DOCK3: variants seen among roughly 807,000 people sequenced by gnomAD.
The protein encoded by DOCK3 is dedicator of cytokinesis protein 3.
DOCK3 carries 60 observed loss-of-function variants against 265.6 expected under a neutral mutation model. The observed-to-expected ratio is 0.23, with a 90% CI of 0.18 to 0.28. DOCK3 has a LOEUF of 0.28. Ranked by LOEUF, DOCK3 falls within the 10% of genes least tolerant of loss-of-function variation. The pLI, the probability that DOCK3 is intolerant of heterozygous loss-of-function variation, is 1.00. For synonymous variants in DOCK3, 881 were observed against 938.0 expected (o/e 0.94, Z 1.11); for missense variants, 1,981 against 2,594.3 (o/e 0.76, Z 5.14).
intron 10 of DOCK3, among the ~76,000 whole-genome samples, chr3:51,152,614 C>G (rs896168652): frequency 3.3e-5 from 5 of 152,192 alleles, no homozygotes; most frequent in African/African-American, 1.2e-4. Flanking sequence ...GCTCTGGCTT[C>G]TCCCCATCTT....
chr3:51,144,367 G>A (rs1471557616), intron 9 of DOCK3, among the ~76,000 whole-genome samples: 1 of 152,062 alleles, frequency 6.6e-6, no homozygotes, highest in Non-Finnish European at 1.5e-5. Context: ...CGAGAGTTTT[G>A]TCCTTGTTAC....
At chr3:51,365,043 G>T (rs887766387) in intron 49 of DOCK3, among the ~76,000 whole-genome samples, 5 of 152,168 alleles carry the variant, frequency 3.3e-5, no homozygotes, top group African/African-American at 1.2e-4. Flanking sequence ...GCTTGATGGG[G>T]ATGGCATTGA....
At chr3:51,243,815 G>A (rs2078712723) in intron 21 of DOCK3, among the ~76,000 whole-genome samples, 1 of 152,074 alleles carries the variant, frequency 6.6e-6, no homozygotes, top group South Asian at 2.1e-4. Flanking sequence ...TTTCTTTTAA[G>A]TGTTTTATAA....
Position 50,762,000 on chromosome 3 carries a change from G to A in DOCK3, c.38-16675G>A, listed in dbSNP as rs9858298. The stretch of plus-strand genomic sequence containing the variant: ...AAACCATCATTCTCAGCAAACTATC[G>A]CAAGGACAGAAAACCAAACACCGCA... On this transcript the variant is annotated intron_variant, in intron 1 of 52. Coordinates refer to ENST00000266037, the MANE Select transcript of DOCK3 (RefSeq NM_004947.5). Among the ~76,000 whole-genome samples, 528 of 152,122 alleles carry A rather than the reference G, an allele frequency of 3.5e-3. 4 individuals are homozygous for A. The highest frequency in any genetic ancestry group is 0.012 in the African/African-American group (508 of 41,506).
At chr3:51,233,307 ATTCT>A (rs58346749) in intron 19 of DOCK3, among the ~76,000 whole-genome samples, 112,439 of 148,542 alleles carry the variant, frequency 0.76, 43,694 homozygotes, top group Middle Eastern at 0.89. Context: ...TTTTAGCAGT[ATTCT>A]TTCTTTCTAT....
chr3:51,195,026 C>T (rs1416363555), intron 12 of DOCK3, among the ~76,000 whole-genome samples: 1 of 152,008 alleles, frequency 6.6e-6, no homozygotes, highest in Middle Eastern at 3.4e-3. Context: ...GGGGTTTCAC[C>T]ATGTTGGCCA....
Position 51,124,897 on chromosome 3 carries a change from C to T in DOCK3, c.747-21652C>T, listed in dbSNP as rs557912287. Among the ~76,000 whole-genome samples the T allele has an allele frequency of 1.1e-4, 16 of 148,534 alleles. No individual in the cohort carries two copies. In the South Asian group the frequency reaches 1.3e-3, roughly 12 times the overall value. On this transcript the variant is annotated intron_variant, in intron 9 of 52. Transcript: ENST00000266037. ...GTAATCCCAGCACTTTGGGAGGCTG[C>T]GGTGGGTGGATCACCTGAGGTCAGG...
At chr3:50,840,104 T>C (rs1339547279) in intron 2 of DOCK3, among the ~76,000 whole-genome samples, 1 of 152,046 alleles carries the variant, frequency 6.6e-6, no homozygotes, top group Non-Finnish European at 1.5e-5. Context: ...AAGAGTTCTT[T>C]GTATATTTTG....
At chr3:50,694,596 G>GC (rs1366848527) in intron 1 of DOCK3, among the ~76,000 whole-genome samples, 1 of 152,156 alleles carries the variant, frequency 6.6e-6, no homozygotes, top group African/African-American at 2.4e-5. Flanking sequence ...ATCACTTAAG[G>GC]CCAGGAGTTT....
intron 1 of DOCK3, among the ~76,000 whole-genome samples, chr3:50,741,274 ATTTTATT>A (rs1000764835): frequency 3.8e-5 from 1 of 26,408 alleles, no homozygotes; most frequent in African/African-American, 2.7e-4. Flanking sequence ...CTGTTTTTTT[ATTTTATT>A]TTATTATTAT....
chr3:51,354,253 C>G (rs964508437), intron 40 of DOCK3, among the ~76,000 whole-genome samples: 1 of 148,938 alleles, frequency 6.7e-6, no homozygotes, highest in Admixed American at 6.8e-5. Context: ...TTGGTGGCAC[C>G]CATAGCAATC....
intron 24 of DOCK3, among the ~76,000 whole-genome samples, chr3:51,271,945 T>C (rs1379132226): frequency 6.6e-6 from 1 of 152,074 alleles, no homozygotes; most frequent in African/African-American, 2.4e-5. Context: ...TTCCAGTCTT[T>C]GGAGAACCAA....
At position 51,204,478 on chromosome 3, in the gene DOCK3, A is replaced by G. The variant is rs1185219977; in HGVS notation, c.1038-4296A>G. The stretch of plus-strand genomic sequence containing the variant: ...AAACCACAATGAGATATCATCTCAC[A>G]CCAGTTAGAATGGCAATCATTAAAA... On this transcript the variant is annotated intron_variant, in intron 12 of 52. Coordinates refer to ENST00000266037, the MANE Select transcript of DOCK3 (RefSeq NM_004947.5). 2.5e-3 allele frequency among the ~76,000 whole-genome samples: 365 copies of G among 147,426 alleles called. 3 individuals are homozygous for G. Among genetic ancestry groups the G allele is most frequent in the African/African-American group, 8.8e-3 (352 of 39,998 alleles).
In DOCK3 at chr3:50,938,895, A is replaced by T. The variant is rs565539622; in HGVS notation, c.315+4818A>T. ...ATCACAGTGAGACTCTGTAAAAAAA[A>T]AATAATAATAATAATCCAAAGCAAG... On this transcript the variant is annotated intron_variant, in intron 5 of 52. Coordinates refer to ENST00000266037, the MANE Select transcript of DOCK3 (RefSeq NM_004947.5). 3.5e-4 allele frequency among the ~76,000 whole-genome samples: 53 copies of T among 151,816 alleles called. 2 individuals are homozygous for T. The highest frequency in any genetic ancestry group is 1.7e-3 in the East Asian group (9 of 5,180).
At chr3:50,719,894 T>C in intron 1 of DOCK3, 3 of 630,284 alleles carry the variant, frequency 4.8e-6, no homozygotes, top group Non-Finnish European at 8.8e-6. Flanking sequence ...TTTTGAAACT[T>C]TGTCTGCTAA....
At chr3:51,119,674 T>C (rs1022641213) in intron 9 of DOCK3, among the ~76,000 whole-genome samples, 1 of 152,076 alleles carries the variant, frequency 6.6e-6, no homozygotes, top group African/African-American at 2.4e-5. Flanking sequence ...TCATTATTTT[T>C]TCTCTAATCT....
At chr3:50,762,562 C>T (rs925718497) in intron 1 of DOCK3, among the ~76,000 whole-genome samples, 1 of 152,032 alleles carries the variant, frequency 6.6e-6, no homozygotes, top group Non-Finnish European at 1.5e-5. Flanking sequence ...TACTTTTAAC[C>T]AATATTCCTA....
chr3:50,728,585 G>A (rs949440375), intron 1 of DOCK3, among the ~76,000 whole-genome samples: 3 of 152,104 alleles, frequency 2.0e-5, no homozygotes, highest in African/African-American at 4.8e-5. Context: ...AAACAGGGAA[G>A]ACATGTTTGT....
At chr3:51,277,550 C>T in intron 25 of DOCK3, 58 bp from the exon 26 acceptor site, 3 of 1,488,934 alleles carry the variant, frequency 2.0e-6, no homozygotes, top group Non-Finnish European at 2.7e-6. Context: ...TAAGTGCTGC[C>T]AGCTGTACTT....
Sources: allele counts gnomAD v4.1 joint callset (sites outside exome capture counted in the v4.1 genomes callset), GRCh38; gene constraint gnomAD v4.1.1; transcripts MANE v1.5; gene names NCBI Gene and HGNC (gene_info 2026-07-23, HGNC 2026-07-21).